ALK: variants seen among roughly 807,000 people sequenced by gnomAD.
ALK encodes the protein ALK receptor tyrosine kinase.
A neutral mutation model predicts 163.1 loss-of-function variants in ALK; 74 were observed. The observed-to-expected ratio is 0.45, with a 90% confidence interval of 0.38 to 0.55. The LOEUF is 0.55. Ranked by LOEUF, ALK falls within the 20% of genes least tolerant of loss-of-function variation. ALK has a pLI of 0.00. For synonymous variants in ALK, 960 were observed against 843.2 expected, an observed-to-expected ratio of 1.14 and a Z score of -2.40; for missense variants, 2,063 against 2,105.3, an observed-to-expected ratio of 0.98 and a Z score of 0.39.
At chr2:29,628,504 G>A (rs921171293) in intron 3 of ALK, among the ~76,000 whole-genome samples, 1 of 152,268 alleles carries the variant, frequency 6.6e-6, no homozygotes, top group Middle Eastern at 3.4e-3. Context: ...ATATGGAGGA[G>A]TTTTCTTGGA....
intron 3 of ALK, among the ~76,000 whole-genome samples, chr2:29,592,255 C>T (rs924783887): frequency 6.6e-6 from 1 of 152,144 alleles, no homozygotes; most frequent in Non-Finnish European, 1.5e-5. Flanking sequence ...ACCAGGCCCA[C>T]CCTAGCCTGA....
intron 1 of ALK, among the ~76,000 whole-genome samples, chr2:29,909,694 G>T (rs564646035): frequency 1.3e-5 from 2 of 152,186 alleles, no homozygotes; most frequent in Non-Finnish European, 2.9e-5. Flanking sequence ...ATTGGGAAAT[G>T]TTTTTTAAGT....
intron 3 of ALK, among the ~76,000 whole-genome samples, chr2:29,577,838 A>G (rs1674566981): frequency 6.6e-6 from 1 of 152,218 alleles, no homozygotes; most frequent in East Asian, 1.9e-4. Context: ...CTATAAGCCA[A>G]TTCGTCAGAC....
At chr2:29,548,097 A>C (rs534699675) in intron 3 of ALK, among the ~76,000 whole-genome samples, 1 of 152,194 alleles carries the variant, frequency 6.6e-6, no homozygotes, top group Non-Finnish European at 1.5e-5. Flanking sequence ...CTTGCCTAGA[A>C]TATGAACATA....
chr2:29,265,973 G>A (rs1015761128), intron 11 of ALK, among the ~76,000 whole-genome samples: 13 of 152,090 alleles, frequency 8.5e-5, no homozygotes, highest in Admixed American at 4.6e-4. Context: ...TGACAAGAGC[G>A]AAACTCCATC....
At position 29,222,654 on chromosome 2, in the gene ALK, A is replaced by G. The variant is rs992101072; in HGVS notation, c.3360-47T>C. The G allele has an allele frequency of 7.7e-6, 12 of 1,559,336 alleles. No individual in the cohort carries two copies. The African/African-American group carries it at 9.5e-5, about 12-fold the overall frequency. On this transcript the variant is annotated intron_variant, in intron 20 of 28. Coordinates refer to ENST00000389048, the MANE Select transcript of ALK (RefSeq NM_004304.5). The stretch of plus-strand genomic sequence containing the variant: ...AGGAGACAGAGTCAAACAGGCCACA[A>G]TAATGAGGCAGCTGGGGGTCCTGAG...
At chr2:29,689,975 T>C (rs1324049289) in intron 3 of ALK, among the ~76,000 whole-genome samples, 1 of 152,206 alleles carries the variant, frequency 6.6e-6, no homozygotes, top group Admixed American at 6.5e-5. Context: ...CGGGAGGTAC[T>C]AACCCTGCAG....
At chr2:29,554,534 A>C (rs2148177635) in intron 3 of ALK, among the ~76,000 whole-genome samples, 1 of 152,340 alleles carries the variant, frequency 6.6e-6, no homozygotes, top group East Asian at 1.9e-4. Flanking sequence ...AAAAGTCAGG[A>C]AACAGTAACC....
chr2:29,804,852 G>C (rs1467003623), intron 1 of ALK, among the ~76,000 whole-genome samples: 1 of 152,102 alleles, frequency 6.6e-6, no homozygotes, highest in Admixed American at 6.5e-5. Flanking sequence ...CTGCATAACA[G>C]CACTGTATTT....
intron 4 of ALK, among the ~76,000 whole-genome samples, chr2:29,481,980 T>TCAGTG (rs1671671885): frequency 6.6e-6 from 1 of 152,218 alleles, no homozygotes; most frequent in Non-Finnish European, 1.5e-5. Context: ...AAGAATATGA[T>TCAGTG]CAGTGCAGTG....
At chr2:29,696,823 CA>C (rs1395896647) in intron 2 of ALK, among the ~76,000 whole-genome samples, 1 of 151,862 alleles carries the variant, frequency 6.6e-6, no homozygotes. Flanking sequence ...AACCCTGTAA[CA>C]TTCCCCAGCT....
intron 11 of ALK, 92 bp from the exon 12 acceptor site, chr2:29,251,359 T>C: frequency 7.5e-7 from 1 of 1,327,240 alleles, no homozygotes; most frequent in East Asian, 2.5e-5. Flanking sequence ...ATCTGCTCCA[T>C]GGCCCCAAAC....
At chr2:29,846,978 C>T (rs960860420) in intron 1 of ALK, among the ~76,000 whole-genome samples, 1 of 152,178 alleles carries the variant, frequency 6.6e-6, no homozygotes, top group Non-Finnish European at 1.5e-5. Context: ...TTTGTAAACA[C>T]ACGTAAAAAG....
chr2:29,446,255 G>A (rs1670681554), intron 4 of ALK, among the ~76,000 whole-genome samples: 2 of 152,038 alleles, frequency 1.3e-5, no homozygotes, highest in South Asian at 2.1e-4. Context: ...TCAATTCTCA[G>A]AGCAACAAGG....
intron 4 of ALK, among the ~76,000 whole-genome samples, chr2:29,516,443 G>A (rs982752174): frequency 1.3e-5 from 2 of 152,216 alleles, no homozygotes; most frequent in Non-Finnish European, 2.9e-5. Flanking sequence ...CCACTGGGTA[G>A]GTGGTGGAGA....
intron 3 of ALK, among the ~76,000 whole-genome samples, chr2:29,609,517 T>A (rs1031295604): frequency 1.4e-4 from 21 of 152,224 alleles, no homozygotes; most frequent in African/African-American, 5.1e-4. Flanking sequence ...ATCCAGAATA[T>A]TAGATTTGGA....
intron 4 of ALK, among the ~76,000 whole-genome samples, chr2:29,393,218 T>C (rs1261742096): frequency 6.6e-6 from 1 of 151,952 alleles, no homozygotes; most frequent in Non-Finnish European, 1.5e-5. Context: ...GCATGCTGAG[T>C]CCTTTGAATT....
intron 3 of ALK, among the ~76,000 whole-genome samples, chr2:29,628,972 T>C (rs776425781): frequency 8.5e-5 from 13 of 152,198 alleles, no homozygotes; most frequent in Admixed American, 2.0e-4. Context: ...GTAGAGAAGA[T>C]GCAGGGAACC....
intron 4 of ALK, among the ~76,000 whole-genome samples, chr2:29,415,893 C>T (rs1197394330): frequency 6.6e-6 from 1 of 152,134 alleles, no homozygotes; most frequent in Non-Finnish European, 1.5e-5. Flanking sequence ...GTTTTCAGGC[C>T]TTTTGGGTTC....
Sources: gnomAD v4.1 joint callset for allele counts (sites outside exome capture counted in the v4.1 genomes callset) on GRCh38, gnomAD v4.1.1 for gene constraint, MANE v1.5 for transcripts, NCBI Gene and HGNC (gene_info 2026-07-23, HGNC 2026-07-21) for gene names.